Variants in CYP2J2 observed in about 807,000 individuals in gnomAD.
CYP2J2 encodes the protein cytochrome P450 2J2.
CYP2J2 carries 41 observed loss-of-function variants against 48.8 expected under a neutral mutation model. The ratio of observed to expected loss-of-function variants is 0.84; its 90% confidence interval spans 0.66 to 1.09. The LOEUF is 1.09. Among genes scored for constraint, CYP2J2 ranks in the 50% least tolerant of loss-of-function variants. The probability of loss-of-function intolerance (pLI) is 0.00; values close to 1 mark genes in which losing one functional copy is unlikely to be tolerated. For synonymous variants in CYP2J2, 221 were observed against 227.1 expected, an observed-to-expected ratio of 0.97 and a Z score of 0.24; for missense variants, 644 against 617.3, an observed-to-expected ratio of 1.04 and a Z score of -0.46.
intron 5 of CYP2J2, 131 bp from the exon 6 acceptor site, chr1:59,908,058 G>A (rs1482974956): frequency 1.2e-6 from 1 of 842,398 alleles, no homozygotes; most frequent in African/African-American, 1.7e-5. Context: ...TTTTCCCTTT[G>A]GCCTCTTCAG....
the CYP2J2 span, among the ~76,000 whole-genome samples, chr1:59,957,281 T>A: frequency 6.6e-6 from 1 of 151,158 alleles, no homozygotes; most frequent in Non-Finnish European, 1.5e-5. Flanking sequence ...CAAAAAGAAA[T>A]TCCATTAACA....
intron 2 of CYP2J2, among the ~76,000 whole-genome samples, chr1:59,914,919 C>T (rs1380463985): frequency 6.6e-6 from 1 of 152,176 alleles, no homozygotes; most frequent in Non-Finnish European, 1.5e-5. Flanking sequence ...TACATTTGTT[C>T]AATGCTGAGA....
chr1:59,928,604 A>T (rs1047226772), upstream of CYP2J2, among the ~76,000 whole-genome samples: 41 of 152,202 alleles, frequency 2.7e-4, no homozygotes, highest in African/African-American at 9.9e-4. Context: ...CAGAAGCTCT[A>T]TTCTAGGCAA....
At chr1:59,912,021 T>C in intron 3 of CYP2J2, 141 bp downstream of exon 3, 1 of 1,025,928 alleles carries the variant, frequency 9.7e-7, no homozygotes, top group Non-Finnish European at 1.4e-6. Context: ...TAAAACTCTT[T>C]GAGGACAGAG....
chr1:59,942,379 G>A, the CYP2J2 span, among the ~76,000 whole-genome samples: 1,421 of 152,100 alleles, frequency 9.3e-3, 23 homozygotes, highest in African/African-American at 0.031. Flanking sequence ...GTAAAGATTC[G>A]CCTAAAAGAT....
chr1:59,906,846 T>C (rs1223689454), intron 6 of CYP2J2, among the ~76,000 whole-genome samples: 4 of 152,208 alleles, frequency 2.6e-5, no homozygotes, highest in African/African-American at 9.7e-5. Context: ...AAAAATAAAG[T>C]TCTGTAAACA....
chr1:59,911,522 C>T, intron 4 of CYP2J2, 86 bp downstream of exon 4: 2 of 1,014,642 alleles, frequency 2.0e-6, no homozygotes, highest in East Asian at 2.7e-5. Flanking sequence ...TTCAAAAACC[C>T]AAAAAAAACT....
At chr1:59,906,193 C>T (rs1187474862) in intron 6 of CYP2J2, among the ~76,000 whole-genome samples, 1 of 152,150 alleles carries the variant, frequency 6.6e-6, no homozygotes, top group East Asian at 1.9e-4. Context: ...AATATATTTT[C>T]CAGGTCCTAT....
chr1:59,924,100 G>T (rs542178685), intron 1 of CYP2J2, among the ~76,000 whole-genome samples: 1 of 152,162 alleles, frequency 6.6e-6, no homozygotes, highest in South Asian at 2.1e-4. Flanking sequence ...CAATTCAGAT[G>T]ACAGTAGATT....
intron 7 of CYP2J2, among the ~76,000 whole-genome samples, chr1:59,903,771 A>G (rs1485064813): frequency 6.6e-6 from 1 of 152,244 alleles, no homozygotes; most frequent in African/African-American, 2.4e-5. Context: ...ATCAATGTAA[A>G]GCAAGTCCTG....
intron 1 of CYP2J2, among the ~76,000 whole-genome samples, chr1:59,922,868 C>T (rs1429152083): frequency 1.3e-5 from 2 of 152,156 alleles, no homozygotes; most frequent in Non-Finnish European, 2.9e-5. Context: ...TTGACCCTTC[C>T]CAACTCTAAA....
the CYP2J2 span, among the ~76,000 whole-genome samples, chr1:59,947,910 T>A: frequency 1.3e-5 from 2 of 152,154 alleles, no homozygotes; most frequent in African/African-American, 2.4e-5. Flanking sequence ...AAACTTAGCT[T>A]AAAAATTATC....
At chr1:59,942,745 C>T in the CYP2J2 span, among the ~76,000 whole-genome samples, 1 of 151,930 alleles carries the variant, frequency 6.6e-6, no homozygotes, top group Non-Finnish European at 1.5e-5. Flanking sequence ...GGAAGAAAAG[C>T]AGATGGAATT....
At position 59,904,966 on chromosome 1, in the gene CYP2J2, T is replaced by TGACA; in HGVS notation, c.1092_1095dup (p.Ile366CysfsTer4). 1.9e-6 allele frequency: 3 copies of TGACA among 1,613,752 alleles called. No individual in the cohort carries two copies. The highest frequency in any genetic ancestry group is 2.5e-6 in the Non-Finnish European group (3 of 1,179,886). ...TTGCCCATTCTCTGCACCTCATGGA[T>TGACA]GACAGCATTGGTGTAGGGCATGGAC... On this transcript the variant is annotated frameshift_variant, in exon 7 of 9. Coordinates refer to ENST00000371204, the MANE Select transcript of CYP2J2 (RefSeq NM_000775.4). LOFTEE classifies it high-confidence loss of function.
the CYP2J2 span, among the ~76,000 whole-genome samples, chr1:59,954,175 G>A: frequency 6.6e-6 from 1 of 152,146 alleles, no homozygotes; most frequent in African/African-American, 2.4e-5. Flanking sequence ...CTGGGTGACT[G>A]CAATTACGCA....
chr1:59,907,823 C>G lies in CYP2J2; in HGVS notation c.966G>C (p.Trp322Cys), dbSNP rs1450376960. The G allele has an allele frequency of 4.3e-6, 7 of 1,613,900 alleles. No individual in the cohort carries two copies. Among genetic ancestry groups the G allele is most frequent in the Non-Finnish European group, 5.9e-6 (7 of 1,179,978 alleles). The change falls in exon 6 of 9, where the codon TGG becomes TGC. Residue 322 changes from tryptophan to cysteine, a missense_variant. Trp to Cys is a radical substitution (Grantham distance 215). Transcript: ENST00000371204. ...GGTAGAGGGCCATATAAAGCAGAGC[C>G]CATCGCAGAGTTGTGGAAGTTGTCT... ...GTETTSTTLR[W>C]ALLYMALYPE...
chr1:59,954,590 G>GT, the CYP2J2 span, among the ~76,000 whole-genome samples: 4 of 148,294 alleles, frequency 2.7e-5, no homozygotes, highest in African/African-American at 5.0e-5. Context: ...TGGTGGGTCG[G>GT]GGGGGGATGC....
chr1:59,893,709 C>T lies in CYP2J2; in HGVS notation c.1451G>A (p.Arg484Lys), dbSNP rs1241941603. ...PNNEKLSLKF[R>K]MGITISPVSH... ...GACTGGGGAAATGGTGATACCCATTCTAAACTTCAGGCTCAGCTTCTCATT... is the reference window on the plus strand; with the variant it reads ...GACTGGGGAAATGGTGATACCCATTTTAAACTTCAGGCTCAGCTTCTCATT... Residue 484 changes from arginine (R) to lysine (K), a missense_variant, in exon 9 of 9, where the codon AGA becomes AAA. Coordinates refer to ENST00000371204, the MANE Select transcript of CYP2J2 (RefSeq NM_000775.4). 3 of 1,613,390 alleles carry T rather than the reference C, an allele frequency of 1.9e-6. No homozygotes were observed. The Admixed American group carries it at 5.0e-5, about 27-fold the overall frequency.
rs1295284214 is a variant in CYP2J2, at chr1:59,893,490, G to A, written c.*161C>T. 1 of 530,644 alleles carries A rather than the reference G, an allele frequency of 1.9e-6. No individual in the cohort carries two copies. 32.9% of individuals were successfully genotyped at this position (530,644 alleles called of 1,614,324 possible). Reference sequence around the variant, plus strand: ...TCCCAAGGCTAATTCGGACGAGACAGTAGAGCTGGGATTTGGATCTAGTTT... The same window carrying A: ...TCCCAAGGCTAATTCGGACGAGACAATAGAGCTGGGATTTGGATCTAGTTT... On this transcript the variant is annotated 3_prime_UTR_variant, in exon 9 of 9. Transcript: ENST00000371204.
Sources: gnomAD v4.1 joint callset for allele counts (sites outside exome capture counted in the v4.1 genomes callset) on GRCh38, gnomAD v4.1.1 for gene constraint, MANE v1.5 for transcripts, NCBI Gene and HGNC (gene_info 2026-07-23, HGNC 2026-07-21) for gene names.